Variants in NRXN1 observed in about 807,000 individuals in gnomAD.
The protein encoded by NRXN1 is neurexin-1.
NRXN1 carries 39 observed loss-of-function variants against 150.9 expected under a neutral mutation model. The ratio of observed to expected loss-of-function variants is 0.26; its 90% confidence interval spans 0.20 to 0.34. The LOEUF (loss-of-function observed/expected upper bound fraction) is 0.34, where lower values mean the gene tolerates loss of function less well. NRXN1 is among the 10% of genes least tolerant of loss of function. NRXN1 has a pLI of 1.00. For missense variants in NRXN1, 1,815 were observed against 1,949.9 expected, an observed-to-expected ratio of 0.93 and a Z score of 1.30; for synonymous variants, 924 against 757.0, an observed-to-expected ratio of 1.22 and a Z score of -3.62.
chr2:50,861,949 C>A (rs1156363363), intron 5 of NRXN1, among the ~76,000 whole-genome samples: 2 of 151,980 alleles, frequency 1.3e-5, no homozygotes, highest in Non-Finnish European at 2.9e-5. Context: ...CACCTGTAAT[C>A]CCAGCAATTT....
chr2:50,474,683 C>CAAAACAAA (rs2089829715), intron 15 of NRXN1, among the ~76,000 whole-genome samples: 1 of 54,992 alleles, frequency 1.8e-5, no homozygotes, highest in Non-Finnish European at 3.1e-5. Flanking sequence ...ACAGAAATAG[C>CAAAACAAA]AAAAAAAAAA....
intron 19 of NRXN1, among the ~76,000 whole-genome samples, chr2:50,057,652 T>A (rs1421591): frequency 7.9e-5 from 12 of 152,002 alleles, no homozygotes; most frequent in Non-Finnish European, 1.8e-4. Flanking sequence ...ACAATCCTAT[T>A]AATATCTGTA....
chr2:50,981,893 A>C (rs1446569062), intron 2 of NRXN1, among the ~76,000 whole-genome samples: 1 of 151,924 alleles, frequency 6.6e-6, no homozygotes, highest in Non-Finnish European at 1.5e-5. Context: ...AATTGAAAAA[A>C]AATTTTCACA....
chr2:50,866,451 T>G (rs1676956347), intron 5 of NRXN1, among the ~76,000 whole-genome samples: 1 of 151,964 alleles, frequency 6.6e-6, no homozygotes, highest in African/African-American at 2.4e-5. Context: ...AGTTAAAATT[T>G]TCTAAGGAGA....
chr2:51,010,730 A>G (rs931036170), intron 2 of NRXN1, among the ~76,000 whole-genome samples: 1 of 151,984 alleles, frequency 6.6e-6, no homozygotes, highest in Non-Finnish European at 1.5e-5. Context: ...AAGATGCACA[A>G]GAGCATAAGA....
intron 5 of NRXN1, among the ~76,000 whole-genome samples, chr2:50,670,990 C>T (rs559215994): frequency 2.6e-5 from 4 of 151,834 alleles, no homozygotes; most frequent in Admixed American, 6.6e-5. Flanking sequence ...ATTGGAAAGA[C>T]ACTTTAAGAT....
chr2:50,686,451 T>C (rs1247474315), intron 5 of NRXN1, among the ~76,000 whole-genome samples: 3 of 152,180 alleles, frequency 2.0e-5, no homozygotes, highest in Admixed American at 2.0e-4. Context: ...ACTATGTCAC[T>C]AGATACAAGA....
intron 17 of NRXN1, among the ~76,000 whole-genome samples, chr2:50,353,322 A>C (rs2078558167): frequency 6.6e-6 from 1 of 152,132 alleles, no homozygotes; most frequent in African/African-American, 2.4e-5. Flanking sequence ...ACCAACCAAT[A>C]ATATGCCATC....
chr2:50,552,056 G>A (rs1027185191), intron 9 of NRXN1, among the ~76,000 whole-genome samples: 1 of 152,144 alleles, frequency 6.6e-6, no homozygotes, highest in East Asian at 1.9e-4. Flanking sequence ...CATCAGAAAG[G>A]GAAGCAGTTT....
intron 18 of NRXN1, among the ~76,000 whole-genome samples, chr2:50,145,512 G>C (rs188656095): frequency 5.3e-5 from 8 of 151,742 alleles, no homozygotes; most frequent in African/African-American, 1.9e-4. Context: ...AATTGATCCA[G>C]AAATATCTTC....
At chr2:50,784,323 A>T (rs1704787448) in intron 5 of NRXN1, among the ~76,000 whole-genome samples, 1 of 152,042 alleles carries the variant, frequency 6.6e-6, no homozygotes, top group Admixed American at 6.6e-5. Context: ...CTCGGATATA[A>T]ATGTGCACAG....
At chr2:50,189,981 A>T (rs2061347351) in intron 18 of NRXN1, among the ~76,000 whole-genome samples, 1 of 152,176 alleles carries the variant, frequency 6.6e-6, no homozygotes, top group African/African-American at 2.4e-5. Context: ...ATCTTGAATG[A>T]AGTGGTATGA....
chr2:50,504,628 C>T (rs960962972), intron 13 of NRXN1, among the ~76,000 whole-genome samples: 1 of 152,178 alleles, frequency 6.6e-6, no homozygotes, highest in African/African-American at 2.4e-5. Context: ...ACATCCACCG[C>T]AGTACAGGAC....
At chr2:50,827,589 T>C (rs1026269244) in intron 5 of NRXN1, among the ~76,000 whole-genome samples, 1 of 152,216 alleles carries the variant, frequency 6.6e-6, no homozygotes, top group Non-Finnish European at 1.5e-5. Context: ...ACATCTAAAA[T>C]TAATGTTTTT....
At chr2:50,475,017 A>G (rs909117353) in intron 15 of NRXN1, among the ~76,000 whole-genome samples, 14 of 152,062 alleles carry the variant, frequency 9.2e-5, no homozygotes, top group Admixed American at 6.6e-4. Context: ...TTTCTTGTAC[A>G]TCAGAGATTG....
At chr2:50,511,833 A>T (rs2092463692) in intron 12 of NRXN1, among the ~76,000 whole-genome samples, 1 of 152,168 alleles carries the variant, frequency 6.6e-6, no homozygotes, top group Admixed American at 6.5e-5. Context: ...TGGCCATTTT[A>T]GTAACCACAT....
At chr2:50,823,720 G>C (rs753624631) in intron 5 of NRXN1, among the ~76,000 whole-genome samples, 19 of 152,146 alleles carry the variant, frequency 1.2e-4, no homozygotes, top group Admixed American at 2.0e-4. Flanking sequence ...TTGGAATAGT[G>C]CTGGATCCAC....
chr2:50,678,857 A>G (rs1024759889), intron 5 of NRXN1, among the ~76,000 whole-genome samples: 3 of 152,232 alleles, frequency 2.0e-5, no homozygotes, highest in Admixed American at 6.5e-5. Context: ...ATTAGAACCC[A>G]TAAGTTATAT....
chr2:50,650,387 C>T (rs147639663), intron 5 of NRXN1, among the ~76,000 whole-genome samples: 2 of 152,158 alleles, frequency 1.3e-5, no homozygotes, highest in African/African-American at 4.8e-5. Context: ...GGATGACTCG[C>T]TTTCCGGTTT....
Sources: allele counts gnomAD v4.1 joint callset (sites outside exome capture counted in the v4.1 genomes callset), GRCh38; gene constraint gnomAD v4.1.1; transcripts MANE v1.5; gene names NCBI Gene and HGNC (gene_info 2026-07-23, HGNC 2026-07-21).